Variants in TEP1 observed in about 807,000 individuals in gnomAD.
TEP1 encodes telomerase associated protein 1.
TEP1 carries 241 observed loss-of-function variants against 306.3 expected under a neutral mutation model. That is an observed-to-expected ratio of 0.79 (90% CI 0.71 to 0.88). TEP1 has a LOEUF of 0.88. Ranked by LOEUF, TEP1 falls within the 40% of genes least tolerant of loss-of-function variation. The pLI is 0.00. For synonymous variants in TEP1, 1,289 were observed against 1,305.5 expected (o/e 0.99, Z 0.27); for missense variants, 3,051 against 3,276.1 (o/e 0.93, Z 1.68).
chr14:20,396,054 T>C (rs1594361767), intron 10 of TEP1, 105 bp from the exon 11 acceptor site: 1 of 711,292 alleles, frequency 1.4e-6, no homozygotes, highest in East Asian at 2.6e-5. Context: ...AAGGACAAAA[T>C]GAACTTAGAC....
At chr14:20,386,670 C>A (rs368678828) in intron 18 of TEP1, 47 bp from the exon 19 acceptor site, 14 of 1,511,186 alleles carry the variant, frequency 9.3e-6, no homozygotes, top group African/African-American at 1.4e-5. Flanking sequence ...TGATTCCCAC[C>A]CCCCATCCAT....
chr14:20,369,009 T>C (rs1594314967), intron 53 of TEP1, 107 bp from the exon 54 acceptor site: 3 of 798,146 alleles, frequency 3.8e-6, no homozygotes, highest in Non-Finnish European at 6.0e-6. Context: ...CCTTAGTATT[T>C]CTTTTTTTTT....
rs143847342 is a variant in TEP1 at position 20,386,162 on chromosome 14, G to A, written c.2895C>T (p.Asn965=). 763 of 1,613,764 alleles carry A rather than the reference G, an allele frequency of 4.7e-4. No homozygotes were observed. The highest frequency in any genetic ancestry group is 1.0e-3 in the South Asian group (92 of 91,016). ...CCAGAATCCCCACAAACAGCTGTGC[G>A]TTCTCCACCTCCCCAAGGCACACTT... ...QLEVCLGEVE[N]AQLFVGILGS... The change falls in exon 20 of 55, where the codon AAC becomes AAT. Residue 965 remains asparagine (N), a synonymous_variant. Transcript: ENST00000262715.
At chr14:20,397,941 C>T (rs904176537) in intron 9 of TEP1, among the ~76,000 whole-genome samples, 8 of 151,742 alleles carry the variant, frequency 5.3e-5, no homozygotes, top group African/African-American at 1.7e-4. Flanking sequence ...TTAGTAGAGA[C>T]GGGGTTTCAC....
chr14:20,375,451 G>A (rs1885119754), intron 43 of TEP1, among the ~76,000 whole-genome samples: 1 of 152,170 alleles, frequency 6.6e-6, no homozygotes. Flanking sequence ...ACCGTGCCCA[G>A]ACCTAGGCTT....
intron 7 of TEP1, 79 bp from the exon 8 acceptor site, chr14:20,401,660 A>T (rs2297612): frequency 0.38 from 595,551 of 1,571,992 alleles, 118,167 homozygotes; most frequent in Non-Finnish European, 0.42. Flanking sequence ...GCAGATTGTA[A>T]GACCATCCGA....
At chr14:20,400,354 G>C (rs1339625456) in intron 9 of TEP1, among the ~76,000 whole-genome samples, 1 of 151,552 alleles carries the variant, frequency 6.6e-6, no homozygotes, top group Admixed American at 6.6e-5. Context: ...GGGAGGCCAA[G>C]GTAGGAGAAA....
At chr14:20,368,615 A>AT (rs1162311483) in intron 54 of TEP1, 56 bp from the exon 55 acceptor site, 3 of 1,604,864 alleles carry the variant, frequency 1.9e-6, no homozygotes, top group Non-Finnish European at 2.6e-6. Context: ...TTACTAACTT[A>AT]TTTTTTCTCA....
chr14:20,382,435 CAGG>C, intron 28 of TEP1, 79 bp from the exon 29 acceptor site: 1 of 1,556,076 alleles, frequency 6.4e-7, no homozygotes, highest in African/African-American at 1.4e-5. Context: ...GAAGGGGCAG[CAGG>C]AGGACAGTGT....
rs757753303 is a variant in TEP1 at position 20,374,533 on chromosome 14, A to T, written c.6367T>A (p.Ser2123Thr). 9.9e-6 allele frequency: 16 copies of T among 1,610,698 alleles called. No homozygotes were observed. The highest frequency in any genetic ancestry group is 1.4e-5 in the Non-Finnish European group (16 of 1,178,274). Residue 2123 changes from serine (S) to threonine (T), a missense_variant, in exon 44 of 55, where the codon TCC (serine) becomes ACC (threonine). Transcript: ENST00000262715. ...CAWTKDNLLI[S>T]CSSDGSVGLW... ...CCCACAGAGCCATCACTGGAGCAGG[A>T]TATCTACAGAGTCAGAAGTCAGAGG...
chr14:20,379,834 CAG>C, intron 35 of TEP1, 94 bp downstream of exon 35: 1 of 1,468,582 alleles, frequency 6.8e-7, no homozygotes, highest in Non-Finnish European at 9.1e-7. Flanking sequence ...CTGAATTAAT[CAG>C]AGTGATAACA....
At position 20,376,257 on chromosome 14, in the gene TEP1, G is replaced by A; in HGVS notation, c.6096C>T (p.Phe2032=). ...GCTGCCTTGGCCACAGCTGCACTGT[G>A]AAATCCTCTGCATTGGAAAAAGAGA... The part of the protein sequence containing the change: ...QELLASASED[F]TVQLWPRQLL... Residue 2032 remains phenylalanine, a synonymous_variant, in exon 42 of 55, where the codon TTC becomes TTT. Coordinates refer to ENST00000262715, the MANE Select transcript of TEP1 (RefSeq NM_007110.5). 1 of 1,612,936 alleles carries A rather than the reference G, an allele frequency of 6.2e-7. No individual in the cohort carries two copies. Among genetic ancestry groups the A allele is most frequent in the East Asian group, 2.2e-5 (1 of 44,880 alleles).
chr14:20,412,822 C>A (rs1267527555), intron 1 of TEP1, among the ~76,000 whole-genome samples: 2 of 151,826 alleles, frequency 1.3e-5, no homozygotes, highest in South Asian at 2.1e-4. Flanking sequence ...CCATGCCCGG[C>A]TAATTTTTTT....
In TEP1 at chr14:20,408,566, T is replaced by C. The variant is rs569090450; in HGVS notation, c.-24-103A>G. The C allele has an allele frequency of 6.0e-5, 55 of 912,630 alleles. No homozygotes were observed. In the South Asian group the frequency reaches 8.5e-4, roughly 14 times the overall value. 56.5% of individuals were successfully genotyped at this position (912,630 alleles called of 1,614,324 possible). On this transcript the variant is annotated intron_variant, in intron 1 of 54. Coordinates refer to ENST00000262715, the MANE Select transcript of TEP1 (RefSeq NM_007110.5). Reference sequence around the variant, plus strand: ...AGCCCTCCTGATAATGCCAATGATTTGTGGGTAGAAAACAACCAATGTTGT... The same window carrying C: ...AGCCCTCCTGATAATGCCAATGATTCGTGGGTAGAAAACAACCAATGTTGT...
rs1224247904 is a variant in TEP1 at position 20,368,533 on chromosome 14, T to G, written c.7788A>C (p.Ser2596=). The G allele has an allele frequency of 7.4e-6, 12 of 1,614,064 alleles. No homozygotes were observed. The highest frequency in any genetic ancestry group is 1.0e-5 in the Non-Finnish European group (12 of 1,180,054). Reference sequence around the variant, plus strand: ...CCAGCCAAGGTTCCAGGCAGCTCACTGACCCTTCGCATCGGAACAGGCCCA... The same window carrying G: ...CCAGCCAAGGTTCCAGGCAGCTCACGGACCCTTCGCATCGGAACAGGCCCA... ...QLLGLFRCEG[S]VSCLEPWLGA... is the part of the protein sequence containing the mutation. The change falls in exon 55 of 55, where the codon TCA becomes TCC. Residue 2596 remains serine (S), a synonymous_variant. Transcript: ENST00000262715.
At chr14:20,411,765 A>G (rs1357022393) in intron 1 of TEP1, among the ~76,000 whole-genome samples, 2 of 152,082 alleles carry the variant, frequency 1.3e-5, no homozygotes. Context: ...GGATCTCCAT[A>G]AACTGAAAAT....
chr14:20,379,943 A>T lies in TEP1; in HGVS notation c.5114T>A (p.Leu1705Gln), dbSNP rs774096923. Reference protein sequence around the residue: ...TANGTVYLLDLRTWQEEKSVV... With the variant: ...TANGTVYLLDQRTWQEEKSVV... ...TGATTGTCATACCTGCCAAGTTCTCAGGTCCAACAGGTAAACTGTCCCATT... is the reference window on the plus strand; with the variant it reads ...TGATTGTCATACCTGCCAAGTTCTCTGGTCCAACAGGTAAACTGTCCCATT... Residue 1705 changes from leucine (L) to glutamine (Q), a missense_variant, in exon 35 of 55, where the codon CTG becomes CAG. Leu to Gln is a moderately radical substitution (Grantham distance 113). Coordinates refer to ENST00000262715, the MANE Select transcript of TEP1 (RefSeq NM_007110.5). 1 of 1,611,136 alleles carries T rather than the reference A, an allele frequency of 6.2e-7. No homozygotes were observed. Among genetic ancestry groups the T allele is most frequent in the Non-Finnish European group, 8.5e-7 (1 of 1,179,208 alleles).
At chr14:20,404,383 C>G (rs946532616) in intron 5 of TEP1, among the ~76,000 whole-genome samples, 1 of 148,810 alleles carries the variant, frequency 6.7e-6, no homozygotes, top group African/African-American at 2.5e-5. Context: ...AGCATGAGGT[C>G]CAGAATAAGA....
intron 33 of TEP1, 105 bp from the exon 34 acceptor site, chr14:20,380,580 T>A: frequency 6.9e-7 from 1 of 1,445,072 alleles, no homozygotes; most frequent in Non-Finnish European, 9.1e-7. Context: ...TCTCAAAGTG[T>A]GGCCCTCTGG....
Sources: allele counts gnomAD v4.1 joint callset (sites outside exome capture counted in the v4.1 genomes callset), GRCh38; gene constraint gnomAD v4.1.1; transcripts MANE v1.5; gene names NCBI Gene and HGNC (gene_info 2026-07-23, HGNC 2026-07-21).